NCAPD2: variants seen among roughly 807,000 people sequenced by gnomAD.
NCAPD2 encodes the protein condensin complex subunit 1.
NCAPD2 carries 100 observed loss-of-function variants against 164.5 expected under a neutral mutation model. That is an observed-to-expected ratio of 0.61 (90% CI 0.52 to 0.72). The LOEUF is 0.72. Ranked by LOEUF, NCAPD2 falls within the 30% of genes least tolerant of loss-of-function variation. The pLI is 0.00. For missense variants in NCAPD2, 1,560 were observed against 1,749.2 expected, an observed-to-expected ratio of 0.89 and a Z score of 1.93; for synonymous variants, 585 against 642.6, an observed-to-expected ratio of 0.91 and a Z score of 1.36.
chr12:6,523,404 T>TTTG, intron 17 of NCAPD2, 58 bp downstream of exon 17: 1 of 1,427,860 alleles, frequency 7.0e-7, no homozygotes, highest in African/African-American at 1.5e-5. Flanking sequence ...GGTTGTTTTT[T>TTTG]TTTTTTTTTT....
intron 18 of NCAPD2, 95 bp from the exon 19 acceptor site, chr12:6,525,970 ACAC>A (rs1946313358): frequency 2.0e-6 from 3 of 1,483,368 alleles, no homozygotes; most frequent in East Asian, 2.3e-5. Context: ...ACGGCTCTAG[ACAC>A]CACATGAGGT....
At chr12:6,498,795 A>G (rs1443570534) in intron 2 of NCAPD2, among the ~76,000 whole-genome samples, 1 of 151,998 alleles carries the variant, frequency 6.6e-6, no homozygotes, top group Non-Finnish European at 1.5e-5. Context: ...TTTAGTAGAG[A>G]CGGGTTTCAC....
At chr12:6,503,249 A>G (rs1304664934) in intron 2 of NCAPD2, among the ~76,000 whole-genome samples, 1 of 94,976 alleles carries the variant, frequency 1.1e-5, no homozygotes, top group Non-Finnish European at 2.0e-5. Flanking sequence ...TGGAAATACG[A>G]TGTATAGAAA....
At chr12:6,511,637 A>G (rs902534630) in intron 6 of NCAPD2, among the ~76,000 whole-genome samples, 4 of 152,190 alleles carry the variant, frequency 2.6e-5, no homozygotes, top group African/African-American at 4.8e-5. Flanking sequence ...CCAGAAGTCT[A>G]TTTTTAAAAT....
intron 13 of NCAPD2, among the ~76,000 whole-genome samples, chr12:6,518,519 T>TTTTTTTTA (rs1565544190): frequency 8.6e-6 from 1 of 116,066 alleles, no homozygotes; most frequent in Non-Finnish European, 1.7e-5. Flanking sequence ...TTTTTTTTTT[T>TTTTTTTTA]TTTTTTTTTT....
intron 2 of NCAPD2, among the ~76,000 whole-genome samples, chr12:6,502,369 G>A (rs1257390283): frequency 6.6e-6 from 1 of 152,228 alleles, no homozygotes; most frequent in Non-Finnish European, 1.5e-5. Context: ...GAAGGTCATG[G>A]TGTTATGAGC....
In NCAPD2 at chr12:6,528,770, G is replaced by T. The variant is rs760278075; in HGVS notation, c.3391G>T (p.Val1131Phe). Residue 1131 changes from valine to phenylalanine, a missense_variant, in exon 26 of 32, where the codon GTC (valine) becomes TTC (phenylalanine). Coordinates refer to ENST00000315579, the MANE Select transcript of NCAPD2 (RefSeq NM_014865.4). The surrounding 1 kb of genome is among the most constrained non-coding windows in gnomAD (Gnocchi z 5.1). ...LKDMVKVKGQ[V>F]SEMAVLLIDP... is the part of the protein sequence containing the mutation. ...GGACATGGTGAAGGTGAAGGGGCAG[G>T]TCAGCGAGATGGCGGTGCTGCTCAT... 2.5e-6 allele frequency: 4 copies of T among 1,614,170 alleles called. No homozygotes were observed. The highest frequency in any genetic ancestry group is 3.4e-6 in the Non-Finnish European group (4 of 1,180,024).
At chr12:6,526,243 G>T (rs373396021) in intron 19 of NCAPD2, 43 bp downstream of exon 19, 12 of 1,613,980 alleles carry the variant, frequency 7.4e-6, no homozygotes, top group African/African-American at 1.3e-5. Context: ...GGAGATTCTC[G>T]TGTCCACCCT....
chr12:6,513,713 G>GTGTTTTTTTTTTTTTTTTTTTTTT (rs1303520172), intron 6 of NCAPD2, among the ~76,000 whole-genome samples: 1 of 50,124 alleles, frequency 2.0e-5, no homozygotes, highest in African/African-American at 1.1e-4. Flanking sequence ...TGGTGACTTT[G>GTGTTTTTTTTTTTTTTTTTTTTTT]TCTTTTTTTT....
At position 6,521,024 on chromosome 12, in the gene NCAPD2, T is replaced by G. The variant is rs1243357527; in HGVS notation, c.1628T>G (p.Phe543Cys). The G allele has an allele frequency of 1.2e-6, 2 of 1,614,018 alleles. No individual in the cohort carries two copies. The highest frequency in any genetic ancestry group is 2.7e-5 in the African/African-American group (2 of 74,924). The change falls in exon 14 of 32, where the codon TTC (phenylalanine) becomes TGC (cysteine). Residue 543 changes from phenylalanine (F) to cysteine (C), a missense_variant. Coordinates refer to ENST00000315579, the MANE Select transcript of NCAPD2 (RefSeq NM_014865.4). ...CTCACTCGAGAAGCCACAGGCCACT[T>G]CCAGGAGTCCGAACCCTTCAGTCAT... ...IILTREATGHFQESEPFSHID... is the reference protein window; with the variant it reads ...IILTREATGHCQESEPFSHID...
intron 27 of NCAPD2, 119 bp from the exon 28 acceptor site, chr12:6,529,394 A>G (rs1379899245): frequency 1.1e-6 from 1 of 897,422 alleles, no homozygotes; most frequent in Non-Finnish European, 1.8e-6. Context: ...TGAGGCAGAC[A>G]GGGGCCGTGG....
At position 6,521,851 on chromosome 12, in the gene NCAPD2, G is replaced by T; in HGVS notation, c.1768G>T (p.Val590Phe). ...KNPRESTGNM[V>F]TGQTVCKNKP... ...TCCCCGGGAGTCTACAGGAAACATG[G>T]TCACAGGACAGACTGTCTGTAAAAA... Residue 590 changes from valine (V) to phenylalanine (F), a missense_variant, in exon 15 of 32, where the codon GTC becomes TTC. Val to Phe is a conservative substitution (Grantham distance 50). Coordinates refer to ENST00000315579, the MANE Select transcript of NCAPD2 (RefSeq NM_014865.4). The T allele has an allele frequency of 1.2e-6, 2 of 1,614,102 alleles. No homozygotes were observed. Among genetic ancestry groups the T allele is most frequent in the Non-Finnish European group, 1.7e-6 (2 of 1,179,998 alleles).
intron 6 of NCAPD2, among the ~76,000 whole-genome samples, chr12:6,512,196 C>CGG (rs1565542041): frequency 6.7e-6 from 1 of 148,908 alleles, no homozygotes; most frequent in Non-Finnish European, 1.5e-5. Context: ...GGCGTGAACC[C>CGG]GGGAGGTGGA....
In NCAPD2 at chr12:6,517,617, G is replaced by A. The variant is rs773211754; in HGVS notation, c.1342G>A (p.Gly448Arg). 22 of 1,614,070 alleles carry A rather than the reference G, an allele frequency of 1.4e-5. No individual in the cohort carries two copies. The African/African-American group carries it at 1.6e-4, about 12-fold the overall frequency. Reference sequence around the variant, plus strand: ...ATAGCTTAGTGATGCTGACCTTGCCGGACCACTGCAGAAGGAGACCCAGAA... The same window carrying A: ...ATAGCTTAGTGATGCTGACCTTGCCAGACCACTGCAGAAGGAGACCCAGAA... ...SCKLSDADLA[G>R]PLQKETQKLQ... Residue 448 changes from glycine (G) to arginine (R), a missense_variant, in exon 12 of 32, where the codon GGA becomes AGA. Physicochemically the swap from Gly to Arg is moderately radical, Grantham distance 125 (BLOSUM62 -2). Transcript: ENST00000315579.
intron 21 of NCAPD2, 76 bp downstream of exon 21, chr12:6,526,691 C>A: frequency 1.3e-6 from 2 of 1,544,110 alleles, no homozygotes; most frequent in Non-Finnish European, 1.8e-6. Context: ...ACTGCCACCA[C>A]CACTATCTGC....
At chr12:6,501,056 CTTT>C (rs35142882) in intron 2 of NCAPD2, among the ~76,000 whole-genome samples, 3,050 of 127,054 alleles carry the variant, frequency 0.024, 81 homozygotes, top group African/African-American at 0.077. Flanking sequence ...GATTACAAGG[CTTT>C]TTTTTTTTTT....
rs371767851 is a variant in NCAPD2, at chr12:6,495,234, C to T, written c.127+9C>T. The T allele has an allele frequency of 2.5e-6, 4 of 1,613,812 alleles. No homozygotes were observed. In the African/African-American group the frequency reaches 5.3e-5, roughly 22 times the overall value. ...TCCACCACAGCTTAGAGGTAAGAGT[C>T]CATAGCTGTCACTGTACCTAGCTCT... On this transcript the variant is annotated intron_variant, in intron 2 of 31. Transcript: ENST00000315579.
Position 6,514,502 on chromosome 12 carries a change from G to C in NCAPD2, c.754G>C (p.Glu252Gln). Residue 252 changes from glutamate to glutamine, a missense_variant, in exon 8 of 32, where the codon GAA becomes CAA. By Grantham distance (29) the Glu-to-Gln change is conservative. Transcript: ENST00000315579. Reference protein sequence around the residue: ...VKIIQMLQHFEHLAPVLVAAV... With the variant: ...VKIIQMLQHFQHLAPVLVAAV... ...GATCATCCAGATGCTGCAGCACTTT[G>C]AACACCTGGCACCTGTACTGGTTGC... 6.2e-7 allele frequency: 1 copy of C among 1,614,150 alleles called. No individual in the cohort carries two copies. Among genetic ancestry groups the C allele is most frequent in the Non-Finnish European group, 8.5e-7 (1 of 1,180,032 alleles).
chr12:6,528,282 C>G lies in NCAPD2; in HGVS notation c.3253C>G (p.Arg1085Gly). The G allele has an allele frequency of 6.2e-7, 1 of 1,613,774 alleles. No individual in the cohort carries two copies. The highest frequency in any genetic ancestry group is 8.5e-7 in the Non-Finnish European group (1 of 1,179,946). Residue 1085 changes from arginine (R) to glycine (G), a missense_variant, in exon 25 of 32, where the codon CGC (arginine) becomes GGC (glycine). Coordinates refer to ENST00000315579, the MANE Select transcript of NCAPD2 (RefSeq NM_014865.4). This position sits in a 1 kb window ranked among gnomAD's most constrained non-coding sequence, Gnocchi z 5.1. ...GGTTGCCACTGGGGATCTGGCCATC[C>G]GCTTTCCCAATCTGGTGGACCCCTG... ...LMVATGDLAI[R>G]FPNLVDPWTP... is the part of the protein sequence containing the mutation.
Sources: gnomAD v4.1 joint callset for allele counts (sites outside exome capture counted in the v4.1 genomes callset) on GRCh38, gnomAD v4.1.1 for gene constraint, Gnocchi (gnomAD v3.1) non-coding constraint, MANE v1.5 for transcripts, NCBI Gene and HGNC (gene_info 2026-07-23, HGNC 2026-07-21) for gene names.